Variants in THRAP3 observed in about 807,000 individuals in gnomAD.
THRAP3 encodes thyroid hormone receptor associated protein 3.
In THRAP3, 16 loss-of-function variants were observed where a neutral mutation model predicts 101.0. The observed-to-expected ratio is 0.16, with a 90% CI of 0.11 to 0.24. THRAP3 has a LOEUF of 0.24. Ranked by LOEUF, THRAP3 falls within the 10% of genes least tolerant of loss-of-function variation. The pLI, the probability that THRAP3 is intolerant of heterozygous loss-of-function variation, is 1.00. For synonymous variants in THRAP3, 407 were observed against 422.6 expected (o/e 0.96, Z 0.45); for missense variants, 989 against 1,202.7 (o/e 0.82, Z 2.63).
At chr1:36,248,447 CTTTTT>C (rs35044035) in intron 1 of THRAP3, among the ~76,000 whole-genome samples, 1 of 112,286 alleles carries the variant, frequency 8.9e-6, no homozygotes, top group Non-Finnish European at 1.9e-5. Context: ...GCCTCAGCCT[CTTTTT>C]TTTTTTTTTT....
At chr1:36,252,346 A>C (rs1367035699) in intron 1 of THRAP3, among the ~76,000 whole-genome samples, 1 of 152,128 alleles carries the variant, frequency 6.6e-6, no homozygotes, top group East Asian at 1.9e-4. Flanking sequence ...GCTGGCCTGG[A>C]ACTCCTGACC....
At chr1:36,248,137 A>G (rs186504946) in intron 1 of THRAP3, among the ~76,000 whole-genome samples, 6 of 151,868 alleles carry the variant, frequency 4.0e-5, no homozygotes, top group African/African-American at 1.5e-4. Flanking sequence ...ACTTTGGCCT[A>G]CCAAAGTGCT....
chr1:36,239,870 T>A (rs1645134398), intron 1 of THRAP3, among the ~76,000 whole-genome samples: 1 of 152,228 alleles, frequency 6.6e-6, no homozygotes, highest in African/African-American at 2.4e-5. Context: ...ATGTATAACA[T>A]AAAATTTTAT....
chr1:36,248,690 T>G (rs929429604), intron 1 of THRAP3, among the ~76,000 whole-genome samples: 3 of 151,998 alleles, frequency 2.0e-5, no homozygotes, highest in African/African-American at 7.2e-5. Context: ...GTAGTTGTGC[T>G]AGTTTCAGTA....
At chr1:36,250,504 T>C (rs544166357) in intron 1 of THRAP3, among the ~76,000 whole-genome samples, 23 of 152,198 alleles carry the variant, frequency 1.5e-4, no homozygotes, top group Middle Eastern at 3.4e-3. Flanking sequence ...TATATTCTTA[T>C]AATCAGAGAT....
intron 2 of THRAP3, among the ~76,000 whole-genome samples, chr1:36,277,118 G>GCCA (rs1333427241): frequency 6.6e-6 from 1 of 151,598 alleles, no homozygotes; most frequent in African/African-American, 2.4e-5. Flanking sequence ...ACAGGCGCCT[G>GCCA]CCACCACGCC....
At chr1:36,258,091 G>C (rs1364899516) in intron 1 of THRAP3, among the ~76,000 whole-genome samples, 5 of 152,046 alleles carry the variant, frequency 3.3e-5, no homozygotes, top group African/African-American at 4.8e-5. Context: ...CGCCCGCCTC[G>C]GCCTCCCAAA....
intron 1 of THRAP3, among the ~76,000 whole-genome samples, chr1:36,258,507 A>C (rs571439392): frequency 2.0e-5 from 3 of 151,548 alleles, no homozygotes; most frequent in African/African-American, 7.3e-5. Flanking sequence ...GCGAAGTCTC[A>C]CTCTGTCCCC....
chr1:36,301,935 T>G (rs769269309), intron 11 of THRAP3, among the ~76,000 whole-genome samples: 2 of 152,184 alleles, frequency 1.3e-5, no homozygotes, highest in Non-Finnish European at 1.5e-5. Context: ...CAAGAAGCAT[T>G]GGTCTTGTCT....
At chr1:36,296,055 C>T (rs973339639) in intron 8 of THRAP3, among the ~76,000 whole-genome samples, 2 of 141,612 alleles carry the variant, frequency 1.4e-5, no homozygotes, top group Non-Finnish European at 3.0e-5. Context: ...CTCACTGCAA[C>T]CTCCACCTCC....
intron 7 of THRAP3, among the ~76,000 whole-genome samples, chr1:36,293,239 G>A (rs1399015717): frequency 6.6e-6 from 1 of 152,014 alleles, no homozygotes; most frequent in African/African-American, 2.4e-5. Context: ...ATGTTGGCCA[G>A]TCTGGTCTTG....
intron 1 of THRAP3, among the ~76,000 whole-genome samples, chr1:36,230,052 T>C (rs531431568): frequency 6.6e-6 from 1 of 150,698 alleles, no homozygotes. Context: ...CCTCCTGGGT[T>C]CAAGCGATTG....
intron 7 of THRAP3, among the ~76,000 whole-genome samples, chr1:36,293,328 C>G (rs1312753320): frequency 6.6e-6 from 1 of 152,140 alleles, no homozygotes; most frequent in Non-Finnish European, 1.5e-5. Context: ...TGCGCCCAGC[C>G]TAATGCTAGT....
At chr1:36,251,319 A>G (rs911263680) in intron 1 of THRAP3, among the ~76,000 whole-genome samples, 3 of 152,200 alleles carry the variant, frequency 2.0e-5, no homozygotes, top group African/African-American at 4.8e-5. Context: ...AGTCTGATCT[A>G]CTGGACCGGG....
At chr1:36,225,749 T>G (rs538446626) in intron 1 of THRAP3, among the ~76,000 whole-genome samples, 12 of 152,244 alleles carry the variant, frequency 7.9e-5, no homozygotes, top group Non-Finnish European at 1.3e-4. Context: ...AACCGGCTCC[T>G]GCCATGAACA....
intron 2 of THRAP3, among the ~76,000 whole-genome samples, chr1:36,272,680 T>C (rs1570305121): frequency 6.6e-6 from 1 of 152,224 alleles, no homozygotes; most frequent in Admixed American, 6.5e-5. Flanking sequence ...GTCTGTCTTA[T>C]CTCTATCAGT....
At chr1:36,211,459 G>A in the THRAP3 span, among the ~76,000 whole-genome samples, 1 of 152,072 alleles carries the variant, frequency 6.6e-6, no homozygotes, top group African/African-American at 2.4e-5. Context: ...GATCACTTGG[G>A]CCCAGGAAGT....
At position 36,229,291 on chromosome 1, in the gene THRAP3, T is replaced by C. The variant is rs568352228; in HGVS notation, c.-135+4786T>C. On this transcript the variant is annotated intron_variant, in intron 1 of 11. Coordinates refer to ENST00000354618, the MANE Select transcript of THRAP3 (RefSeq NM_005119.4). Reference sequence around the variant, plus strand: ...TTTTGTATTTTTAGTAGAGACGGGGTTTCACCGTGTTAGCCAAGATGGTCT... The same window carrying C: ...TTTTGTATTTTTAGTAGAGACGGGGCTTCACCGTGTTAGCCAAGATGGTCT... Among the ~76,000 whole-genome samples the C allele has an allele frequency of 1.6e-3, 248 of 151,958 alleles. 2 individuals carry two copies. Among genetic ancestry groups the C allele is most frequent in the African/African-American group, 5.9e-3 (243 of 41,474 alleles).
At chr1:36,231,181 C>A (rs1645023801) in intron 1 of THRAP3, among the ~76,000 whole-genome samples, 1 of 151,750 alleles carries the variant, frequency 6.6e-6, no homozygotes, top group Non-Finnish European at 1.5e-5. Context: ...TACCTTATAT[C>A]CTTCGTTTGT....
Sources: gnomAD v4.1 joint callset for allele counts (sites outside exome capture counted in the v4.1 genomes callset) on GRCh38, gnomAD v4.1.1 for gene constraint, MANE v1.5 for transcripts, NCBI Gene and HGNC (gene_info 2026-07-23, HGNC 2026-07-21) for gene names.